The following RALY variants were observed in gnomAD, a reference collection of about 807,000 sequenced individuals.
The protein encoded by RALY is RALY heterogeneous nuclear ribonucleoprotein.
In RALY, 15 loss-of-function variants were observed where a neutral mutation model predicts 30.7. That is an observed-to-expected ratio of 0.49 (90% CI 0.33 to 0.75). RALY has a LOEUF of 0.75. RALY is among the 30% of genes least tolerant of loss of function. The pLI is 0.02. For missense variants in RALY, 339 were observed against 414.3 expected, an observed-to-expected ratio of 0.82 and a Z score of 1.58; for synonymous variants, 177 against 170.8, an observed-to-expected ratio of 1.04 and a Z score of -0.28.
intron 1 of RALY, among the ~76,000 whole-genome samples, chr20:34,024,355 C>T (rs996081951): frequency 6.6e-6 from 1 of 152,210 alleles, no homozygotes; most frequent in Non-Finnish European, 1.5e-5. Flanking sequence ...ACAGTAATTA[C>T]TCGTGCCTCC....
intron 1 of RALY, among the ~76,000 whole-genome samples, chr20:34,030,596 C>T (rs1426433771): frequency 6.6e-6 from 1 of 152,220 alleles, no homozygotes; most frequent in Non-Finnish European, 1.5e-5. Context: ...ACAAGTGAGA[C>T]AGAGTTAGAG....
intron 2 of RALY, among the ~76,000 whole-genome samples, chr20:34,064,202 C>T (rs1023999313): frequency 3.3e-5 from 5 of 152,126 alleles, no homozygotes; most frequent in African/African-American, 1.2e-4. Flanking sequence ...GTTACCTACC[C>T]ATCCCTCCTT....
At chr20:34,055,233 G>GT (rs773145521) in intron 2 of RALY, among the ~76,000 whole-genome samples, 1 of 152,184 alleles carries the variant, frequency 6.6e-6, no homozygotes, top group Non-Finnish European at 1.5e-5. Flanking sequence ...ACCTCAAAGA[G>GT]TTGTAAGGAT....
At chr20:34,003,341 CAT>C (rs1299666686) in intron 1 of RALY, among the ~76,000 whole-genome samples, 5 of 152,126 alleles carry the variant, frequency 3.3e-5, no homozygotes, top group East Asian at 1.9e-4. Flanking sequence ...TGTAAAATCA[CAT>C]GAGACAATTT....
chr20:34,017,668 G>C (rs934327670), intron 1 of RALY: 1 of 152,252 alleles, frequency 6.6e-6, no homozygotes, highest in Non-Finnish European at 1.5e-5. Flanking sequence ...ACGGAGTGCA[G>C]AGTCAGGTTT....
chr20:34,027,981 G>A (rs1392210646), intron 1 of RALY, among the ~76,000 whole-genome samples: 1 of 152,162 alleles, frequency 6.6e-6, no homozygotes, highest in Admixed American at 6.6e-5. Flanking sequence ...AGACTAAGTA[G>A]GAGGAATAGA....
intron 2 of RALY, among the ~76,000 whole-genome samples, chr20:34,068,605 G>A (rs1290815816): frequency 6.6e-6 from 1 of 152,162 alleles, no homozygotes; most frequent in Non-Finnish European, 1.5e-5. Context: ...TACAAATAGA[G>A]ACCCATGTAC....
intron 2 of RALY, among the ~76,000 whole-genome samples, chr20:34,060,074 A>C (rs757113308): frequency 3.2e-4 from 49 of 152,204 alleles, no homozygotes; most frequent in Non-Finnish European, 5.6e-4. Context: ...TTCAAGGCAC[A>C]TTTCCAAATA....
At chr20:34,010,594 G>A (rs907495064) in intron 1 of RALY, among the ~76,000 whole-genome samples, 7 of 152,124 alleles carry the variant, frequency 4.6e-5, no homozygotes, top group Non-Finnish European at 7.3e-5. Flanking sequence ...TTGACTTCTT[G>A]TGATTACTGA....
intron 2 of RALY, among the ~76,000 whole-genome samples, chr20:34,060,063 G>A (rs1389912634): frequency 4.6e-5 from 7 of 152,084 alleles, no homozygotes; most frequent in African/African-American, 1.7e-4. Context: ...TTCCTTTTAT[G>A]TTCAAGGCAC....
chr20:34,046,813 CTTTTTTTT>C (rs61495395), intron 2 of RALY, among the ~76,000 whole-genome samples: 18 of 72,784 alleles, frequency 2.5e-4, no homozygotes, highest in African/African-American at 8.9e-4. Flanking sequence ...GACCTCCACT[CTTTTTTTT>C]TTTTTTTTTT....
intron 1 of RALY, among the ~76,000 whole-genome samples, chr20:34,009,252 G>A (rs2031294908): frequency 6.6e-6 from 1 of 150,814 alleles, no homozygotes. Flanking sequence ...GTTTTGTTTT[G>A]TTTTTGAGAC....
At chr20:34,059,858 C>T (rs1384890862) in intron 2 of RALY, among the ~76,000 whole-genome samples, 1 of 152,174 alleles carries the variant, frequency 6.6e-6, no homozygotes, top group Non-Finnish European at 1.5e-5. Context: ...CCTTGGGGCC[C>T]TGTTGCCCAG....
chr20:34,073,868 T>A lies in RALY; in HGVS notation c.377+2T>A. 6.2e-7 allele frequency: 1 copy of A among 1,613,918 alleles called. No homozygotes were observed. Among genetic ancestry groups the A allele is most frequent in the Non-Finnish European group, 8.5e-7 (1 of 1,179,842 alleles). ...CTACCGGGACGACTTCTACGACAGGTGAGCAGGGGAGGGGCGTGCCCAGGC... is the reference window on the plus strand; with the variant it reads ...CTACCGGGACGACTTCTACGACAGGAGAGCAGGGGAGGGGCGTGCCCAGGC... On this transcript the variant is annotated splice_donor_variant, in intron 5 of 9. Transcript: ENST00000246194. LOFTEE classifies it high-confidence loss of function.
chr20:34,067,809 CTTTTTTCT>C (rs2033616971), intron 2 of RALY, among the ~76,000 whole-genome samples: 1 of 95,500 alleles, frequency 1.0e-5, no homozygotes, highest in African/African-American at 4.1e-5. Flanking sequence ...TAGCTTTTTT[CTTTTTTCT>C]TTTTTTTTTT....
intron 1 of RALY, among the ~76,000 whole-genome samples, chr20:33,998,288 G>C (rs2030736825): frequency 6.6e-6 from 1 of 152,158 alleles, no homozygotes; most frequent in Non-Finnish European, 1.5e-5. Flanking sequence ...GGTCAGGGAA[G>C]GCTTTTTAGG....
At chr20:34,062,644 C>G (rs1177136863) in intron 2 of RALY, among the ~76,000 whole-genome samples, 1 of 152,260 alleles carries the variant, frequency 6.6e-6, no homozygotes, top group Non-Finnish European at 1.5e-5. Context: ...GTAATTGGAA[C>G]ATGGCACCTT....
In RALY at chr20:34,082,954, G is replaced by GGGT. The variant is rs1306760282; in HGVS notation, c.*3050_*3052dup. On this transcript the variant is annotated 3_prime_UTR_variant, in exon 10 of 10. Transcript: ENST00000246194. ...ATCTTGAAAGAATAGAGCAGCCAGT[G>GGGT]GGTATACTGGATTGTGAGCTAAGAG... is the stretch of plus-strand genomic sequence containing the variant. The GGGT allele has an allele frequency of 1.3e-5, 2 of 152,224 alleles. No individual in the cohort carries two copies. The highest frequency in any genetic ancestry group is 4.8e-5 in the African/African-American group (2 of 41,450). 9.4% of individuals were successfully genotyped at this position (152,224 alleles called of 1,614,324 possible).
chr20:34,077,399 A>G, intron 8 of RALY, 154 bp downstream of exon 8: 2 of 1,498,944 alleles, frequency 1.3e-6, no homozygotes, highest in Non-Finnish European at 1.8e-6. Flanking sequence ...AAGAGGGAAG[A>G]ATGAGCAGGG....
Sources: allele counts gnomAD v4.1 joint callset (sites outside exome capture counted in the v4.1 genomes callset), GRCh38; gene constraint gnomAD v4.1.1; transcripts MANE v1.5; gene names NCBI Gene and HGNC (gene_info 2026-07-23, HGNC 2026-07-21).